The following PHACTR1 variants were observed in gnomAD, a reference collection of about 807,000 sequenced individuals.
PHACTR1 encodes the protein RPEL repeat containing 1.
A neutral mutation model predicts 69.2 loss-of-function variants in PHACTR1; 16 were observed. The ratio of observed to expected loss-of-function variants is 0.23; its 90% CI spans 0.16 to 0.35. The LOEUF is 0.35. PHACTR1 is among the 10% of genes least tolerant of loss of function. The pLI is 1.00. For missense variants in PHACTR1, 510 were observed against 734.7 expected, an observed-to-expected ratio of 0.69 and a Z score of 3.54; for synonymous variants, 312 against 284.5, an observed-to-expected ratio of 1.10 and a Z score of -0.97.
chr6:13,083,754 A>G (rs1355282139), intron 5 of PHACTR1, among the ~76,000 whole-genome samples: 32 of 151,842 alleles, frequency 2.1e-4, no homozygotes, highest in Non-Finnish European at 3.5e-4. Context: ...TTTGTCTGTT[A>G]TTGGTGTATA....
chr6:12,923,014 T>C (rs988393526), intron 4 of PHACTR1, among the ~76,000 whole-genome samples: 12 of 152,254 alleles, frequency 7.9e-5, no homozygotes, highest in South Asian at 2.1e-4. Flanking sequence ...TCAGGAGATA[T>C]GTAATCTGCC....
At chr6:13,281,179 A>G (rs1263492009) in intron 12 of PHACTR1, 16 of 1,234,332 alleles carry the variant, frequency 1.3e-5, no homozygotes, top group Non-Finnish European at 1.6e-5. Context: ...GGACATTAGT[A>G]AAATCCAGGT....
At chr6:12,762,677 T>C (rs1482901225) in intron 4 of PHACTR1, among the ~76,000 whole-genome samples, 1 of 152,160 alleles carries the variant, frequency 6.6e-6, no homozygotes, top group Non-Finnish European at 1.5e-5. Flanking sequence ...ACCTCAGAAC[T>C]CCTCCCTGTG....
In PHACTR1 at chr6:13,231,086, A is replaced by AGGAAGGAAGGAAGGAAG. The variant is rs369662349; in HGVS notation, c.1391+894_1391+895insGAAGGAAGGAAGGAAGG. 2.1e-3 allele frequency among the ~76,000 whole-genome samples: 85 copies of AGGAAGGAAGGAAGGAAG among 40,502 alleles called. 5 individuals are homozygous for AGGAAGGAAGGAAGGAAG. Among genetic ancestry groups the AGGAAGGAAGGAAGGAAG allele is most frequent in the South Asian group, 3.1e-3 (4 of 1,302 alleles). The allele number at this position is 40,502 out of a possible 152,430, so 26.6% of individuals were successfully genotyped here. ...AAGGAAGGAAGGAAGGAAGGAAGGA[A>AGGAAGGAAGGAAGGAAG]GAAGGAAGGAAGGGAAAAGAAAGAA... On this transcript the variant is annotated intron_variant, in intron 10 of 14. Coordinates refer to ENST00000332995, the MANE Select transcript of PHACTR1 (RefSeq NM_030948.6).
At chr6:12,727,771 G>A (rs1581446122) in intron 3 of PHACTR1, among the ~76,000 whole-genome samples, 1 of 152,132 alleles carries the variant, frequency 6.6e-6, no homozygotes, top group Non-Finnish European at 1.5e-5. Flanking sequence ...TGTGCTAGCA[G>A]AAGAAAGGAT....
chr6:13,123,649 G>C (rs1194049342), intron 5 of PHACTR1, among the ~76,000 whole-genome samples: 1 of 152,152 alleles, frequency 6.6e-6, no homozygotes, highest in Non-Finnish European at 1.5e-5. Context: ...TTGTTGTTGT[G>C]AATCACTGAA....
At chr6:12,777,345 G>A (rs1305932565) in intron 4 of PHACTR1, among the ~76,000 whole-genome samples, 1 of 151,632 alleles carries the variant, frequency 6.6e-6, no homozygotes, top group Non-Finnish European at 1.5e-5. Flanking sequence ...TCATCGCCCA[G>A]GTAATAAGTG....
At chr6:12,726,311 A>C (rs1762789884) in intron 3 of PHACTR1, among the ~76,000 whole-genome samples, 1 of 152,184 alleles carries the variant, frequency 6.6e-6, no homozygotes, top group Non-Finnish European at 1.5e-5. Flanking sequence ...GAATTATGGA[A>C]TAGGCAAACA....
chr6:12,779,387 CA>C (rs796498158), intron 4 of PHACTR1, among the ~76,000 whole-genome samples: 3 of 150,018 alleles, frequency 2.0e-5, no homozygotes, highest in African/African-American at 7.3e-5. Context: ...TTTAATTTTT[CA>C]AAAAAAAAGA....
chr6:12,949,962 C>G (rs1458495034), intron 4 of PHACTR1, among the ~76,000 whole-genome samples: 4 of 152,258 alleles, frequency 2.6e-5, no homozygotes, highest in African/African-American at 2.4e-5. Context: ...ACACCTAATG[C>G]TCCAATCCTG....
chr6:13,225,300 A>G (rs1214157947), intron 8 of PHACTR1, among the ~76,000 whole-genome samples: 2 of 152,204 alleles, frequency 1.3e-5, no homozygotes, highest in African/African-American at 4.8e-5. Context: ...TAGGCATTCA[A>G]GCACATGCTA....
At chr6:13,231,524 G>A (rs1412849312) in intron 10 of PHACTR1, among the ~76,000 whole-genome samples, 1 of 152,210 alleles carries the variant, frequency 6.6e-6, no homozygotes, top group Non-Finnish European at 1.5e-5. Flanking sequence ...ATAGAATTGA[G>A]GACCTATGGA....
rs144969821 is a variant in PHACTR1 at position 12,825,628 on chromosome 6, GT to G, written c.250+75839del. 8.7e-3 allele frequency among the ~76,000 whole-genome samples: 1,323 copies of G among 152,328 alleles called. 5 individuals are homozygous for G. The highest frequency in any genetic ancestry group is 0.014 in the Non-Finnish European group (970 of 68,028). Reference sequence around the variant, plus strand: ...TGTGGAAGTTGTATCCACAGAAGCAGTGAATCTCAAAGGCCTGTTTCCTGCC... The same window carrying G: ...TGTGGAAGTTGTATCCACAGAAGCAGGAATCTCAAAGGCCTGTTTCCTGCC... On this transcript the variant is annotated intron_variant, in intron 4 of 14. Coordinates refer to ENST00000332995, the MANE Select transcript of PHACTR1 (RefSeq NM_030948.6).
At chr6:12,778,099 A>AG (rs1301686457) in intron 4 of PHACTR1, among the ~76,000 whole-genome samples, 1 of 150,740 alleles carries the variant, frequency 6.6e-6, no homozygotes, top group Non-Finnish European at 1.5e-5. Context: ...TCCTTTTAAA[A>AG]GAAAAAAAAA....
chr6:12,951,108 T>C (rs1181040536), intron 4 of PHACTR1, among the ~76,000 whole-genome samples: 2 of 152,214 alleles, frequency 1.3e-5, no homozygotes, highest in Non-Finnish European at 2.9e-5. Flanking sequence ...AAAAATGGCT[T>C]CCGAGATTGG....
chr6:12,982,621 C>T (rs1036126879), intron 4 of PHACTR1, among the ~76,000 whole-genome samples: 7 of 152,168 alleles, frequency 4.6e-5, no homozygotes, highest in South Asian at 4.2e-4. Context: ...GAGGTTGCAG[C>T]GAGCCTGGGT....
intron 4 of PHACTR1, among the ~76,000 whole-genome samples, chr6:12,997,242 A>C (rs1311557727): frequency 6.8e-6 from 1 of 148,010 alleles, no homozygotes; most frequent in Non-Finnish European, 1.5e-5. Context: ...ATAAATATAT[A>C]TTTATATATA....
chr6:13,270,707 C>G lies in PHACTR1; in HGVS notation c.1392-2153C>G, dbSNP rs559310479. Among the ~76,000 whole-genome samples, 4 of 152,326 alleles carry G rather than the reference C, an allele frequency of 2.6e-5. No homozygotes were observed. In the South Asian group the frequency reaches 8.3e-4, roughly 32 times the overall value. Reference sequence around the variant, plus strand: ...TGCAATTTCCAACAGTTTCAGGGTGCTATAGGCTTTATAAGCAGGTATATG... The same window carrying G: ...TGCAATTTCCAACAGTTTCAGGGTGGTATAGGCTTTATAAGCAGGTATATG... On this transcript the variant is annotated intron_variant, in intron 10 of 14. Transcript: ENST00000332995.
At chr6:13,072,043 G>T (rs1809619606) in intron 5 of PHACTR1, among the ~76,000 whole-genome samples, 1 of 152,182 alleles carries the variant, frequency 6.6e-6, no homozygotes, top group Non-Finnish European at 1.5e-5. Flanking sequence ...TATTTCATCT[G>T]TGGACAACTG....
Sources: gnomAD v4.1 joint callset for allele counts (sites outside exome capture counted in the v4.1 genomes callset) on GRCh38, gnomAD v4.1.1 for gene constraint, MANE v1.5 for transcripts, NCBI Gene and HGNC (gene_info 2026-07-23, HGNC 2026-07-21) for gene names.